Variants in CDH4 observed in about 807,000 individuals in gnomAD.
CDH4 encodes the protein cadherin 4.
Under a neutral mutation model 86.0 loss-of-function variants are expected in CDH4, and 33 were observed. That is an observed-to-expected ratio of 0.38 (90% CI 0.29 to 0.51). The LOEUF (loss-of-function observed/expected upper bound fraction) is 0.51, where lower values mean the gene tolerates loss of function less well. CDH4 is among the 20% of genes least tolerant of loss of function. The pLI, the probability that CDH4 is intolerant of heterozygous loss-of-function variation, is 0.86. For missense variants in CDH4, 1,114 were observed against 1,307.4 expected, an observed-to-expected ratio of 0.85 and a Z score of 2.28; for synonymous variants, 555 against 549.4, an observed-to-expected ratio of 1.01 and a Z score of -0.14.
chr20:61,361,869 G>A (rs1479496079), intron 2 of CDH4, among the ~76,000 whole-genome samples: 2 of 152,198 alleles, frequency 1.3e-5, no homozygotes, highest in Non-Finnish European at 2.9e-5. Context: ...CCCAAGTACT[G>A]TTCCAGACCC....
chr20:61,848,917 C>T (rs1193378058), intron 5 of CDH4, among the ~76,000 whole-genome samples: 1 of 152,194 alleles, frequency 6.6e-6, no homozygotes. Flanking sequence ...CCCACATCGC[C>T]AGCATCTCTT....
intron 2 of CDH4, among the ~76,000 whole-genome samples, chr20:61,706,624 C>T (rs958767229): frequency 4.6e-5 from 7 of 152,086 alleles, no homozygotes; most frequent in Non-Finnish European, 7.4e-5. Flanking sequence ...GGAAGAGAGG[C>T]GAACCAAGAC....
intron 2 of CDH4, among the ~76,000 whole-genome samples, chr20:61,404,533 A>G (rs958363873): frequency 8.6e-5 from 13 of 152,012 alleles, no homozygotes; most frequent in African/African-American, 3.1e-4. Context: ...GACGATCTGC[A>G]AGAGGAGGCC....
chr20:61,677,682 C>A (rs560636288), intron 2 of CDH4, among the ~76,000 whole-genome samples: 110 of 151,380 alleles, frequency 7.3e-4, no homozygotes, highest in African/African-American at 2.6e-3. Context: ...GGTGGACAGA[C>A]GGACGGACGG....
intron 2 of CDH4, among the ~76,000 whole-genome samples, chr20:61,538,081 G>A (rs2086011233): frequency 6.6e-6 from 1 of 152,050 alleles, no homozygotes; most frequent in African/African-American, 2.4e-5. Flanking sequence ...CCCGGCCTGT[G>A]AGGAGGTGCA....
chr20:61,855,058 C>A (rs564142316), intron 6 of CDH4, among the ~76,000 whole-genome samples: 2 of 133,042 alleles, frequency 1.5e-5, no homozygotes, highest in East Asian at 4.7e-4. Context: ...TGCCCTTGGC[C>A]CACCCCCAGG....
Position 61,810,855 on chromosome 20 carries a change from C to T in CDH4, c.577-33813C>T, listed in dbSNP as rs1980397106. 6.6e-6 allele frequency among the ~76,000 whole-genome samples: 1 copy of T among 152,204 alleles called. No homozygotes were observed. The highest frequency in any genetic ancestry group is 1.5e-5 in the Non-Finnish European group (1 of 68,054). On this transcript the variant is annotated intron_variant, in intron 4 of 15. Coordinates refer to ENST00000614565, the MANE Select transcript of CDH4 (RefSeq NM_001794.5). This position sits in a 1 kb window ranked among gnomAD's most constrained non-coding sequence, Gnocchi z 4.3. ...GCTCAACAGAGCCACTGCCCCTTGG[C>T]CCGGCTTCTCCAGAACGCAGCCAGC...
At chr20:61,470,060 T>C (rs1425990333) in intron 2 of CDH4, among the ~76,000 whole-genome samples, 1 of 152,192 alleles carries the variant, frequency 6.6e-6, no homozygotes, top group Non-Finnish European at 1.5e-5. Context: ...TGTGGTTCTA[T>C]ATACATTTTA....
chr20:61,483,391 G>A (rs755912768), intron 2 of CDH4, among the ~76,000 whole-genome samples: 5 of 152,144 alleles, frequency 3.3e-5, no homozygotes, highest in Non-Finnish European at 5.9e-5. Context: ...AGTCATCAGT[G>A]TCTCCCTTGA....
At chr20:61,746,542 A>G (rs545861392) in intron 3 of CDH4, among the ~76,000 whole-genome samples, 1 of 152,254 alleles carries the variant, frequency 6.6e-6, no homozygotes, top group African/African-American at 2.4e-5. Context: ...GAAGGAGTGG[A>G]AAAGGACTTT....
At chr20:61,333,337 A>G (rs1017912167) in intron 2 of CDH4, among the ~76,000 whole-genome samples, 5 of 152,112 alleles carry the variant, frequency 3.3e-5, no homozygotes, top group African/African-American at 7.2e-5. Context: ...TTTTCTGGAC[A>G]TTTGGCAAAA....
At chr20:61,270,841 A>G (rs2084179687) in intron 2 of CDH4, among the ~76,000 whole-genome samples, 1 of 152,054 alleles carries the variant, frequency 6.6e-6, no homozygotes, top group Non-Finnish European at 1.5e-5. Context: ...AGGTCGAGGC[A>G]GCTCTGGAGT....
chr20:61,618,169 C>G (rs145111510), intron 2 of CDH4, among the ~76,000 whole-genome samples: 1 of 152,024 alleles, frequency 6.6e-6, no homozygotes, highest in Non-Finnish European at 1.5e-5. Context: ...GTGCTGGCCT[C>G]GGCTGGGTGG....
chr20:61,805,510 T>C (rs1260609711), intron 4 of CDH4, among the ~76,000 whole-genome samples: 1 of 152,192 alleles, frequency 6.6e-6, no homozygotes, highest in East Asian at 1.9e-4. Flanking sequence ...TACACTCCCC[T>C]GCCCGGCCTC....
intron 2 of CDH4, among the ~76,000 whole-genome samples, chr20:61,652,938 A>ATTTTTATTTTTTTTTTTT (rs2087138479): frequency 2.1e-5 from 2 of 97,400 alleles, no homozygotes; most frequent in Non-Finnish European, 4.7e-5. Context: ...TTATTTATTT[A>ATTTTTATTTTTTTTTTTT]TTTTTTTTTT....
At chr20:61,403,957 A>G (rs2145482304) in intron 2 of CDH4, among the ~76,000 whole-genome samples, 2 of 152,310 alleles carry the variant, frequency 1.3e-5, no homozygotes, top group Middle Eastern at 6.8e-3. Context: ...ATATCTCCAC[A>G]TGTTATTCTT....
chr20:61,747,387 G>A (rs1053998659), intron 3 of CDH4, among the ~76,000 whole-genome samples: 21 of 149,006 alleles, frequency 1.4e-4, no homozygotes, highest in Non-Finnish European at 2.4e-4. Context: ...GGCGGAGCTC[G>A]CAGTGAGCCG....
rs561235840 is a variant in CDH4 at position 61,353,186 on chromosome 20, A to G, written c.169+98249A>G. Among the ~76,000 whole-genome samples the G allele has an allele frequency of 1.2e-4, 18 of 152,236 alleles. No homozygotes were observed. In the South Asian group the frequency reaches 2.3e-3, roughly 19 times the overall value. On this transcript the variant is annotated intron_variant, in intron 2 of 15. Coordinates refer to ENST00000614565, the MANE Select transcript of CDH4 (RefSeq NM_001794.5). ...GTTTCCACCTGTGGAAAGCATATACATGATGAATGTGCTACTTCCTCCCCT... is the reference window on the plus strand; with the variant it reads ...GTTTCCACCTGTGGAAAGCATATACGTGATGAATGTGCTACTTCCTCCCCT...
intron 2 of CDH4, among the ~76,000 whole-genome samples, chr20:61,672,722 A>C (rs1170942709): frequency 3.3e-5 from 5 of 152,166 alleles, no homozygotes. Flanking sequence ...GGTCACTGGC[A>C]GAGACTGGAA....
Sources: allele counts gnomAD v4.1 joint callset (sites outside exome capture counted in the v4.1 genomes callset), GRCh38; gene constraint gnomAD v4.1.1; non-coding constraint Gnocchi (gnomAD v3.1); transcripts MANE v1.5; gene names NCBI Gene and HGNC (gene_info 2026-07-23, HGNC 2026-07-21).